The following TBC1D8 variants were observed in gnomAD, a reference collection of about 807,000 sequenced individuals.
The protein encoded by TBC1D8 is TBC1 domain family member 8, also known as BUB2-like protein 1.
In TBC1D8, 65 loss-of-function variants were observed where a neutral mutation model predicts 118.8. The observed-to-expected ratio is 0.55, with a 90% confidence interval of 0.45 to 0.67. The LOEUF (loss-of-function observed/expected upper bound fraction) is 0.67. TBC1D8 is among the 30% of genes least tolerant of loss of function. The pLI is 0.00. For missense variants in TBC1D8, 1,376 were observed against 1,471.2 expected (o/e 0.94, Z 1.06); for synonymous variants, 566 against 595.8 (o/e 0.95, Z 0.73).
intron 19 of TBC1D8, among the ~76,000 whole-genome samples, chr2:101,009,406 C>CA (rs70943054): frequency 0.013 from 1,288 of 97,386 alleles, 13 homozygotes; most frequent in African/African-American, 0.037. Flanking sequence ...ACTCTGTCTC[C>CA]AAAAAAAAAA....
At position 101,118,444 on chromosome 2, in the gene TBC1D8, C is replaced by T. The variant is rs1021916277; in HGVS notation, c.128-28080G>A. ...GGGCACAGTGGCTCATGCCTGTAATCCCAGCACTTTGGGAGGCCAAGGCGG... is the reference window on the plus strand; with the variant it reads ...GGGCACAGTGGCTCATGCCTGTAATTCCAGCACTTTGGGAGGCCAAGGCGG... On this transcript the variant is annotated intron_variant, in intron 1 of 19. Coordinates refer to ENST00000409318, the MANE Select transcript of TBC1D8 (RefSeq NM_001330348.2). 4.6e-5 allele frequency among the ~76,000 whole-genome samples: 7 copies of T among 152,132 alleles called. No homozygotes were observed. In the South Asian group the frequency reaches 6.2e-4, roughly 14 times the overall value.
intron 3 of TBC1D8, among the ~76,000 whole-genome samples, chr2:101,058,205 G>T (rs1232057718): frequency 6.6e-6 from 1 of 152,144 alleles, no homozygotes; most frequent in Non-Finnish European, 1.5e-5. Flanking sequence ...CACAGGCCAG[G>T]TATAACTCCA....
chr2:101,106,976 G>A (rs561091013), intron 1 of TBC1D8, among the ~76,000 whole-genome samples: 3 of 152,240 alleles, frequency 2.0e-5, no homozygotes, highest in Non-Finnish European at 4.4e-5. Flanking sequence ...ATAATGTTTG[G>A]AGGGTCAGGT....
chr2:101,099,739 G>T (rs1676703542), intron 1 of TBC1D8, among the ~76,000 whole-genome samples: 1 of 152,044 alleles, frequency 6.6e-6, no homozygotes, highest in South Asian at 2.1e-4. Flanking sequence ...TCTATCACAT[G>T]AACAGAACCA....
chr2:101,029,848 C>A, intron 11 of TBC1D8, 72 bp from the exon 12 acceptor site: 1 of 1,478,054 alleles, frequency 6.8e-7, no homozygotes, highest in South Asian at 1.3e-5. Flanking sequence ...AAATTAAAAT[C>A]ACTCTGAGGT....
At chr2:101,038,748 G>A in intron 6 of TBC1D8, 93 bp from the exon 7 acceptor site, 1 of 1,363,008 alleles carries the variant, frequency 7.3e-7, no homozygotes, top group Non-Finnish European at 1.0e-6. Flanking sequence ...AGAGGGCAAG[G>A]CACAATCACT....
chr2:101,091,404 A>AAAC (rs1299607035), intron 1 of TBC1D8, among the ~76,000 whole-genome samples: 4 of 151,942 alleles, frequency 2.6e-5, no homozygotes, highest in Admixed American at 1.3e-4. Context: ...ATGGCAGGCA[A>AAAC]AACAACAACA....
intron 10 of TBC1D8, chr2:101,032,889 C>G (rs1335768475): frequency 6.0e-6 from 1 of 165,616 alleles, no homozygotes; most frequent in Non-Finnish European, 1.3e-5. Context: ...CTCGGGAAAG[C>G]TCAGCAGACA....
At chr2:101,125,576 T>C (rs2104243990) in intron 1 of TBC1D8, among the ~76,000 whole-genome samples, 2 of 152,330 alleles carry the variant, frequency 1.3e-5, no homozygotes, top group Middle Eastern at 6.8e-3. Context: ...AATGATCCTC[T>C]GAAAAACTAA....
rs1223442721 is a variant in TBC1D8 at position 101,028,254 on chromosome 2, C to A, written c.2352+49G>T. The A allele has an allele frequency of 1.9e-6, 3 of 1,589,524 alleles. No homozygotes were observed. The East Asian group carries it at 6.8e-5, about 36-fold the overall frequency. On this transcript the variant is annotated intron_variant, in intron 13 of 19. Transcript: ENST00000409318. ...CACATCCATCCCCCAGTCACAATTC[C>A]CGGGGGGTTAGGGGCTGCAACGGGG...
At chr2:101,046,171 G>A (rs1681691048) in intron 5 of TBC1D8, among the ~76,000 whole-genome samples, 1 of 152,154 alleles carries the variant, frequency 6.6e-6, no homozygotes, top group Non-Finnish European at 1.5e-5. Context: ...GACCCCCCCA[G>A]GAGTCCTAAG....
intron 1 of TBC1D8, among the ~76,000 whole-genome samples, chr2:101,149,760 G>T (rs1244270997): frequency 6.6e-6 from 1 of 152,118 alleles, no homozygotes; most frequent in Non-Finnish European, 1.5e-5. Flanking sequence ...AAGCACCAGG[G>T]TGCGTCACGG....
At chr2:101,105,712 CTG>C (rs1179612285) in intron 1 of TBC1D8, among the ~76,000 whole-genome samples, 1 of 150,910 alleles carries the variant, frequency 6.6e-6, no homozygotes, top group Non-Finnish European at 1.5e-5. Flanking sequence ...ATCCAAAAAA[CTG>C]ACGATACCAA....
chr2:101,039,337 C>T (rs1417684796), intron 6 of TBC1D8, among the ~76,000 whole-genome samples: 2 of 152,134 alleles, frequency 1.3e-5, no homozygotes, highest in Non-Finnish European at 2.9e-5. Flanking sequence ...AGAATAATAA[C>T]ATGGAGTTAG....
Position 101,094,552 on chromosome 2 carries a change from T to C in TBC1D8, c.128-4188A>G, listed in dbSNP as rs145887041. Among the ~76,000 whole-genome samples, 1,066 of 152,276 alleles carry C rather than the reference T, an allele frequency of 7.0e-3. 38 individuals are homozygous for C. Among genetic ancestry groups the C allele is most frequent in the Non-Finnish European group, 4.4e-3 (297 of 68,020 alleles). ...AGTTTGATAAAAACCGGAGGGACTTTGGACAACATCAAATGAAAGCAGCAG... is the reference window on the plus strand; with the variant it reads ...AGTTTGATAAAAACCGGAGGGACTTCGGACAACATCAAATGAAAGCAGCAG... On this transcript the variant is annotated intron_variant, in intron 1 of 19. Transcript: ENST00000409318.
intron 18 of TBC1D8, 120 bp downstream of exon 18, chr2:101,011,331 A>G (rs1055837015): frequency 9.5e-7 from 1 of 1,049,706 alleles, no homozygotes; most frequent in African/African-American, 1.6e-5. Flanking sequence ...GTTTGGGGAT[A>G]ATTCATTGGA....
intron 5 of TBC1D8, 38 bp from the exon 6 acceptor site, chr2:101,040,423 A>G: frequency 2.6e-6 from 4 of 1,541,030 alleles, no homozygotes; most frequent in Non-Finnish European, 3.5e-6. Flanking sequence ...AGAGATAGGA[A>G]AGGTGAATGG....
intron 2 of TBC1D8, among the ~76,000 whole-genome samples, chr2:101,061,699 T>A (rs1682762466): frequency 6.6e-6 from 1 of 151,954 alleles, no homozygotes; most frequent in Non-Finnish European, 1.5e-5. Flanking sequence ...TCTCCATGGA[T>A]CACAGAAGTC....
intron 1 of TBC1D8, among the ~76,000 whole-genome samples, chr2:101,133,583 C>T (rs1678697349): frequency 6.6e-6 from 1 of 152,196 alleles, no homozygotes; most frequent in Non-Finnish European, 1.5e-5. Flanking sequence ...ATGGTGGCTT[C>T]ATGCTGTGTC....
Sources: allele counts gnomAD v4.1 joint callset (sites outside exome capture counted in the v4.1 genomes callset), GRCh38; gene constraint gnomAD v4.1.1; transcripts MANE v1.5; gene names NCBI Gene and HGNC (gene_info 2026-07-23, HGNC 2026-07-21).